RGS6: variants seen among roughly 807,000 people sequenced by gnomAD.
RGS6 encodes the protein regulator of G-protein signaling 6.
In RGS6, 30 loss-of-function variants were observed where a neutral mutation model predicts 78.5. The observed-to-expected ratio is 0.38, with a 90% CI of 0.29 to 0.52. The LOEUF (loss-of-function observed/expected upper bound fraction) is 0.52. Ranked by LOEUF, RGS6 falls within the 20% of genes least tolerant of loss-of-function variation. RGS6 has a pLI of 0.85. For synonymous variants in RGS6, 206 were observed against 206.0 expected (o/e 1.00, Z 0.00); for missense variants, 495 against 609.7 (o/e 0.81, Z 1.98).
At chr14:72,430,802 T>C (rs2094598754) in intron 3 of RGS6, among the ~76,000 whole-genome samples, 1 of 152,172 alleles carries the variant, frequency 6.6e-6, no homozygotes, top group Non-Finnish European at 1.5e-5. Flanking sequence ...GCCTCCCAAA[T>C]GCTGATCACC....
At chr14:72,084,082 G>C (rs957425835) in intron 2 of RGS6, among the ~76,000 whole-genome samples, 3 of 152,190 alleles carry the variant, frequency 2.0e-5, no homozygotes, top group African/African-American at 7.2e-5. Context: ...GTGGTCCTCA[G>C]CTTTTTTTGG....
At chr14:72,243,274 A>G (rs930229952) in intron 2 of RGS6, among the ~76,000 whole-genome samples, 1 of 152,240 alleles carries the variant, frequency 6.6e-6, no homozygotes, top group African/African-American at 2.4e-5. Flanking sequence ...CCTTATTTTG[A>G]TATTCACCTA....
chr14:72,236,671 CG>C (rs1567544781), intron 2 of RGS6, among the ~76,000 whole-genome samples: 6 of 152,088 alleles, frequency 3.9e-5, no homozygotes, highest in African/African-American at 1.4e-4. Context: ...ACATCCCAGA[CG>C]GTGGAGGGGC....
At chr14:72,215,720 A>G (rs2153778865) in intron 2 of RGS6, among the ~76,000 whole-genome samples, 1 of 152,318 alleles carries the variant, frequency 6.6e-6, no homozygotes, top group Middle Eastern at 3.4e-3. Context: ...ACCTTCAAAT[A>G]AGGAAGAGGA....
the RGS6 span, among the ~76,000 whole-genome samples, chr14:72,602,744 C>T: frequency 2.6e-5 from 4 of 152,298 alleles, no homozygotes; most frequent in Admixed American, 6.5e-5. Context: ...TAATTAAAAG[C>T]ATACAGGAGT....
At chr14:71,959,193 CTGT>C (rs770549495) in intron 1 of RGS6, among the ~76,000 whole-genome samples, 7 of 152,138 alleles carry the variant, frequency 4.6e-5, no homozygotes, top group Non-Finnish European at 1.0e-4. Context: ...TTATTTAGAG[CTGT>C]TGTTCTTCCT....
intron 3 of RGS6, among the ~76,000 whole-genome samples, chr14:72,409,893 T>C (rs1027361209): frequency 2.6e-5 from 4 of 152,220 alleles, no homozygotes; most frequent in Non-Finnish European, 5.9e-5. Flanking sequence ...GCACATGAAC[T>C]CATCCTTTTT....
intron 2 of RGS6, among the ~76,000 whole-genome samples, chr14:72,307,583 T>A (rs2152440264): frequency 1.3e-5 from 2 of 152,296 alleles, no homozygotes; most frequent in Admixed American, 1.3e-4. Flanking sequence ...CTGTTTCTGA[T>A]CTGTGTTCTG....
the RGS6 span, among the ~76,000 whole-genome samples, chr14:72,606,605 G>C: frequency 3.9e-5 from 6 of 152,206 alleles, no homozygotes; most frequent in Admixed American, 2.6e-4. Flanking sequence ...GAGGAAGGCC[G>C]TTCTGCTCTG....
the RGS6 span, among the ~76,000 whole-genome samples, chr14:72,613,803 CT>C: frequency 6.6e-6 from 1 of 152,196 alleles, no homozygotes; most frequent in Non-Finnish European, 1.5e-5. Flanking sequence ...TCTCTTCTAG[CT>C]GCCTGGGCTG....
At chr14:72,325,223 G>GT (rs1388481842) in intron 2 of RGS6, among the ~76,000 whole-genome samples, 1 of 152,142 alleles carries the variant, frequency 6.6e-6, no homozygotes, top group Non-Finnish European at 1.5e-5. Context: ...TTGTAAATTT[G>GT]TTTAAGTTCT....
chr14:71,957,867 G>A (rs2092910253), intron 1 of RGS6, among the ~76,000 whole-genome samples: 1 of 152,090 alleles, frequency 6.6e-6, no homozygotes, highest in South Asian at 2.1e-4. Context: ...CTGGGCTCAA[G>A]TGATCCTCCC....
intron 2 of RGS6, among the ~76,000 whole-genome samples, chr14:71,966,104 TTG>T (rs137865805): frequency 0.022 from 3,303 of 152,326 alleles, 100 homozygotes; most frequent in African/African-American, 0.073. Flanking sequence ...GTTTGCATGT[TTG>T]TGAAAATTTA....
chr14:72,451,675 A>G (rs766627065), intron 3 of RGS6, among the ~76,000 whole-genome samples: 2 of 152,232 alleles, frequency 1.3e-5, no homozygotes, highest in Non-Finnish European at 2.9e-5. Context: ...CTCAGCAGAA[A>G]GATAATCCGC....
At chr14:72,394,535 G>T (rs2090729335) in intron 3 of RGS6, among the ~76,000 whole-genome samples, 2 of 152,172 alleles carry the variant, frequency 1.3e-5, no homozygotes, top group Non-Finnish European at 2.9e-5. Flanking sequence ...TCTCAGGGAT[G>T]TTCCTTGCTG....
At chr14:72,340,403 C>A (rs1409013522) in intron 2 of RGS6, among the ~76,000 whole-genome samples, 2 of 152,056 alleles carry the variant, frequency 1.3e-5, no homozygotes, top group Non-Finnish European at 2.9e-5. Flanking sequence ...TTTCAAGGGG[C>A]CAGAGGAAGC....
intron 2 of RGS6, among the ~76,000 whole-genome samples, chr14:72,339,948 C>T (rs2076681836): frequency 6.6e-6 from 1 of 152,134 alleles, no homozygotes; most frequent in African/African-American, 2.4e-5. Flanking sequence ...GTTGCACCTC[C>T]TTCTTTGCGG....
rs58751762 is a variant in RGS6, at chr14:72,531,431, CAAAAAAAA to C, written c.1279-4740_1279-4733del. On this transcript the variant is annotated intron_variant, in intron 15 of 17. Coordinates refer to ENST00000553525, the MANE Select transcript of RGS6 (RefSeq NM_001204424.2). ...CCTGAGTGACAGCAAGACTTTATCT[CAAAAAAAA>C]AAAAAAAAAAAAAAGAACCAAGTCA... 4.5e-5 allele frequency among the ~76,000 whole-genome samples: 3 copies of C among 66,730 alleles called. 1 individual carries two copies. Among genetic ancestry groups the C allele is most frequent in the Non-Finnish European group, 9.9e-5 (3 of 30,204 alleles). 43.8% of individuals were successfully genotyped at this position (66,730 alleles called of 152,430 possible). A position where few individuals can be genotyped will look rare whatever the true frequency, so the allele number is the denominator to read the frequency against.
intron 2 of RGS6, among the ~76,000 whole-genome samples, chr14:72,013,475 C>T (rs1596076678): frequency 2.0e-5 from 3 of 151,272 alleles, no homozygotes; most frequent in South Asian, 4.2e-4. Flanking sequence ...AAATAGGAGT[C>T]CTTCAGTAGG....
Sources: allele counts gnomAD v4.1 joint callset (sites outside exome capture counted in the v4.1 genomes callset), GRCh38; gene constraint gnomAD v4.1.1; transcripts MANE v1.5; gene names NCBI Gene and HGNC (gene_info 2026-07-23, HGNC 2026-07-21).